Variants in LRRC4C observed in about 807,000 individuals in gnomAD.
The protein encoded by LRRC4C is leucine rich repeat containing 4C, also known as leucine-rich repeat-containing protein 4C.
LRRC4C carries 5 observed loss-of-function variants against 33.6 expected under a neutral mutation model. That is an observed-to-expected ratio of 0.15 (90% CI 0.08 to 0.31). The LOEUF (loss-of-function observed/expected upper bound fraction) is 0.31, where lower values mean the gene tolerates loss of function less well. Ranked by LOEUF, LRRC4C falls within the 10% of genes least tolerant of loss-of-function variation. The pLI, the probability that LRRC4C is intolerant of heterozygous loss-of-function variation, is 1.00. For missense variants in LRRC4C, 560 were observed against 796.7 expected, an observed-to-expected ratio of 0.70 and a Z score of 3.58; for synonymous variants, 329 against 302.0, an observed-to-expected ratio of 1.09 and a Z score of -0.93.
At chr11:40,232,696 A>T (rs906235983) in intron 5 of LRRC4C, among the ~76,000 whole-genome samples, 5 of 152,250 alleles carry the variant, frequency 3.3e-5, no homozygotes, top group Admixed American at 6.5e-5. Flanking sequence ...AAGCCAAAAC[A>T]GTGAAAATAA....
At chr11:40,886,958 GTA>G (rs149167752) in intron 2 of LRRC4C, among the ~76,000 whole-genome samples, 26,391 of 105,942 alleles carry the variant, frequency 0.25, 3,479 homozygotes, top group African/African-American at 0.41. Context: ...ACACGTGTGT[GTA>G]TATATATACA....
intron 2 of LRRC4C, among the ~76,000 whole-genome samples, chr11:40,874,763 G>T (rs1591961442): frequency 6.6e-6 from 1 of 152,268 alleles, no homozygotes; most frequent in East Asian, 1.9e-4. Context: ...TTGCAATGAG[G>T]CCAGGGTGTC....
chr11:41,335,503 C>T (rs1390184896), intron 1 of LRRC4C, among the ~76,000 whole-genome samples: 1 of 152,094 alleles, frequency 6.6e-6, no homozygotes, highest in Non-Finnish European at 1.5e-5. Context: ...TTAACCATTG[C>T]CTGAAATTGT....
intron 3 of LRRC4C, among the ~76,000 whole-genome samples, chr11:40,363,292 A>C (rs1219953047): frequency 6.6e-6 from 1 of 152,180 alleles, no homozygotes; most frequent in African/African-American, 2.4e-5. Flanking sequence ...TATCCTTAGC[A>C]AACTAACGCA....
chr11:41,355,395 A>G (rs1297672548), intron 1 of LRRC4C, among the ~76,000 whole-genome samples: 1 of 152,144 alleles, frequency 6.6e-6, no homozygotes, highest in Non-Finnish European at 1.5e-5. Flanking sequence ...GAGGACATGG[A>G]TAAGTGTGTC....
At chr11:41,102,879 T>A (rs1464896331) in intron 1 of LRRC4C, among the ~76,000 whole-genome samples, 2 of 151,960 alleles carry the variant, frequency 1.3e-5, no homozygotes, top group Admixed American at 6.6e-5. Flanking sequence ...AAAGCTTGAA[T>A]AATAATACTT....
At chr11:41,199,650 A>C (rs1480706069) in intron 1 of LRRC4C, among the ~76,000 whole-genome samples, 1 of 152,118 alleles carries the variant, frequency 6.6e-6, no homozygotes, top group African/African-American at 2.4e-5. Flanking sequence ...TTAATTTCTT[A>C]TATTTCCCAG....
chr11:40,971,239 G>T (rs1851706667), intron 1 of LRRC4C, among the ~76,000 whole-genome samples: 1 of 152,214 alleles, frequency 6.6e-6, no homozygotes. Context: ...AAGCCCAGAA[G>T]CTTAGAAGGG....
At chr11:41,383,653 C>G (rs1458334328) in intron 1 of LRRC4C, among the ~76,000 whole-genome samples, 1 of 151,278 alleles carries the variant, frequency 6.6e-6, no homozygotes, top group African/African-American at 2.4e-5. Context: ...TTGAAAGAAA[C>G]AACAGAAAAA....
intron 3 of LRRC4C, among the ~76,000 whole-genome samples, chr11:40,632,085 A>T (rs537124690): frequency 3.6e-4 from 55 of 152,302 alleles, no homozygotes; most frequent in Admixed American, 7.2e-4. Context: ...TACCAGATCT[A>T]TACTTCAGAA....
At chr11:40,532,987 T>A (rs1956331147) in intron 3 of LRRC4C, among the ~76,000 whole-genome samples, 1 of 152,028 alleles carries the variant, frequency 6.6e-6, no homozygotes, top group Admixed American at 6.6e-5. Flanking sequence ...TCAGATCTTG[T>A]GGGAACTCAC....
intron 2 of LRRC4C, among the ~76,000 whole-genome samples, chr11:40,915,963 C>A (rs1171789657): frequency 6.6e-6 from 1 of 152,110 alleles, no homozygotes; most frequent in Admixed American, 6.6e-5. Flanking sequence ...TCATCACTTG[C>A]CATCAGAGAA....
chr11:40,940,329 A>G (rs1479818973), intron 1 of LRRC4C, among the ~76,000 whole-genome samples: 1 of 152,172 alleles, frequency 6.6e-6, no homozygotes, highest in East Asian at 1.9e-4. Flanking sequence ...ACTCATGGTA[A>G]CATTTTGAAG....
chr11:41,101,604 G>T (rs1941189422), intron 1 of LRRC4C, among the ~76,000 whole-genome samples: 1 of 152,120 alleles, frequency 6.6e-6, no homozygotes, highest in Non-Finnish European at 1.5e-5. Flanking sequence ...CCTCAAAGAG[G>T]TAAAAACAGA....
At chr11:40,321,503 AT>A (rs1471227799) in intron 3 of LRRC4C, among the ~76,000 whole-genome samples, 1 of 152,250 alleles carries the variant, frequency 6.6e-6, no homozygotes, top group African/African-American at 2.4e-5. Context: ...CCTTTTATAG[AT>A]TAAGAAACAG....
intron 3 of LRRC4C, among the ~76,000 whole-genome samples, chr11:40,433,284 T>C (rs1356149490): frequency 6.6e-6 from 1 of 152,144 alleles, no homozygotes; most frequent in Non-Finnish European, 1.5e-5. Context: ...TTTGTATATA[T>C]CATCATATAA....
At chr11:41,281,104 T>TCTCACA (rs1455403663) in intron 1 of LRRC4C, among the ~76,000 whole-genome samples, 11 of 102,512 alleles carry the variant, frequency 1.1e-4, no homozygotes, top group South Asian at 4.3e-4. Flanking sequence ...TCTCTCTCTC[T>TCTCACA]CACACACACA....
At chr11:40,649,276 G>A (rs112512877) in intron 2 of LRRC4C, among the ~76,000 whole-genome samples, 94 of 152,188 alleles carry the variant, frequency 6.2e-4, no homozygotes, top group African/African-American at 2.1e-3. Context: ...AACCACATAA[G>A]ACAGACACTC....
chr11:40,666,736 G>A (rs11036004), intron 2 of LRRC4C, among the ~76,000 whole-genome samples: 3,321 of 152,194 alleles, frequency 0.022, 122 homozygotes, highest in African/African-American at 0.077. Context: ...TAAATTAACA[G>A]GAGAAAAGAG....
Sources: gnomAD v4.1 joint callset for allele counts (sites outside exome capture counted in the v4.1 genomes callset) on GRCh38, gnomAD v4.1.1 for gene constraint, MANE v1.5 for transcripts, NCBI Gene and HGNC (gene_info 2026-07-23, HGNC 2026-07-21) for gene names.